Variants in TTLL11 observed in about 807,000 individuals in gnomAD.
The protein encoded by TTLL11 is tubulin tyrosine ligase like 11.
A neutral mutation model predicts 51.7 loss-of-function variants in TTLL11; 42 were observed. The ratio of observed to expected loss-of-function variants is 0.81; its 90% CI spans 0.64 to 1.05. The LOEUF is 1.05. TTLL11 is among the 50% of genes least tolerant of loss of function. The pLI, the probability that TTLL11 is intolerant of heterozygous loss-of-function variation, is 0.00. For synonymous variants in TTLL11, 381 were observed against 383.5 expected (o/e 0.99, Z 0.08); for missense variants, 799 against 940.4 (o/e 0.85, Z 1.97).
chr9:122,070,861 C>G (rs1046187051), intron 1 of TTLL11, among the ~76,000 whole-genome samples: 12 of 152,246 alleles, frequency 7.9e-5, no homozygotes, highest in Admixed American at 5.2e-4. Flanking sequence ...GCTGACCTCC[C>G]TGCCATTCAG....
intron 8 of TTLL11, among the ~76,000 whole-genome samples, chr9:121,826,479 A>ATATATATATGTTTGTG (rs546692201): frequency 1.9e-5 from 1 of 52,600 alleles, no homozygotes; most frequent in Non-Finnish European, 4.1e-5. Flanking sequence ...ATATATATAT[A>ATATATATATGTTTGTG]TGTATATATA....
intron 3 of TTLL11, among the ~76,000 whole-genome samples, chr9:122,000,148 A>G (rs1005622810): frequency 6.6e-6 from 1 of 152,172 alleles, no homozygotes; most frequent in African/African-American, 2.4e-5. Flanking sequence ...AGGATGAGAC[A>G]GGAGGTCAGC....
At chr9:122,087,857 G>A (rs1846168125) in intron 1 of TTLL11, among the ~76,000 whole-genome samples, 1 of 152,214 alleles carries the variant, frequency 6.6e-6, no homozygotes, top group African/African-American at 2.4e-5. Context: ...CTTTCATGTT[G>A]CAACATCAGT....
chr9:122,037,643 T>TG (rs1316317624), intron 2 of TTLL11, among the ~76,000 whole-genome samples: 3 of 152,166 alleles, frequency 2.0e-5, no homozygotes, highest in Non-Finnish European at 4.4e-5. Context: ...CTGGATTCTG[T>TG]GGGGCATCTA....
At position 122,076,384 on chromosome 9, in the gene TTLL11, TA is replaced by T. The variant is rs539066351; in HGVS notation, c.462+16302del. The stretch of plus-strand genomic sequence containing the variant: ...GCAAGAATCAGACTGGAAATTCCCA[TA>T]CCAAGCCAGGCCCTCTGAAATGCCA... On this transcript the variant is annotated intron_variant, in intron 1 of 8. Transcript: ENST00000321582. 1.5e-3 allele frequency among the ~76,000 whole-genome samples: 221 copies of T among 152,266 alleles called. 1 individual carries two copies. The highest frequency in any genetic ancestry group is 4.8e-3 in the African/African-American group (198 of 41,544).
chr9:122,009,657 AGAG>A (rs901598466), intron 3 of TTLL11, among the ~76,000 whole-genome samples: 2 of 151,682 alleles, frequency 1.3e-5, no homozygotes, highest in African/African-American at 2.4e-5. Context: ...TATACTGTCC[AGAG>A]AAGAATGAAT....
chr9:121,823,196 G>A (rs1339943334), intron 8 of TTLL11, among the ~76,000 whole-genome samples: 1 of 152,232 alleles, frequency 6.6e-6, no homozygotes, highest in Non-Finnish European at 1.5e-5. Context: ...AGTTATATAA[G>A]ATTTAAACCT....
chr9:121,913,248 CT>C, intron 6 of TTLL11, among the ~76,000 whole-genome samples: 1 of 152,136 alleles, frequency 6.6e-6, no homozygotes, highest in South Asian at 2.1e-4. Context: ...GACTTAGAGT[CT>C]TTTTTTTAAT....
At chr9:121,898,294 C>T (rs1839621159) in intron 6 of TTLL11, among the ~76,000 whole-genome samples, 1 of 152,162 alleles carries the variant, frequency 6.6e-6, no homozygotes, top group African/African-American at 2.4e-5. Context: ...AAGGGAGAGA[C>T]GGTGCTTGGG....
intron 1 of TTLL11, among the ~76,000 whole-genome samples, chr9:122,049,572 C>T (rs1297740643): frequency 6.6e-6 from 1 of 152,188 alleles, no homozygotes; most frequent in Non-Finnish European, 1.5e-5. Flanking sequence ...AGTTCCTCCC[C>T]CAGAGTATAC....
chr9:121,826,513 A>ATATATACATGTGTG (rs1564260406), intron 8 of TTLL11, among the ~76,000 whole-genome samples: 18 of 89,134 alleles, frequency 2.0e-4, no homozygotes, highest in African/African-American at 1.7e-4. Flanking sequence ...ATATATATAT[A>ATATATACATGTGTG]TGTATATATA....
At chr9:121,903,584 T>G (rs1839839129) in intron 6 of TTLL11, among the ~76,000 whole-genome samples, 1 of 152,220 alleles carries the variant, frequency 6.6e-6, no homozygotes, top group South Asian at 2.1e-4. Context: ...ACCTCCCTTG[T>G]AAGGTTGTTG....
rs551953084 is a variant in TTLL11 at position 122,031,897 on chromosome 9, C to A, written c.560-41G>T. ...GCTGTGAGGTTTTAACAACAGTGGG[C>A]TACTAGCTATAAAACAGCCATTATT... On this transcript the variant is annotated intron_variant, in intron 2 of 8. Coordinates refer to ENST00000321582, the MANE Select transcript of TTLL11 (RefSeq NM_001139442.2). 87 of 1,589,634 alleles carry A rather than the reference C, an allele frequency of 5.5e-5. 4 individuals are homozygous for A. In the South Asian group the frequency reaches 9.6e-4, roughly 18 times the overall value.
At chr9:121,930,406 T>C (rs1840920015) in intron 6 of TTLL11, among the ~76,000 whole-genome samples, 1 of 152,230 alleles carries the variant, frequency 6.6e-6, no homozygotes, top group African/African-American at 2.4e-5. Context: ...ATCATTTGCC[T>C]GGGGAAAGTA....
intron 1 of TTLL11, among the ~76,000 whole-genome samples, chr9:122,083,292 C>A (rs141303323): frequency 6.6e-6 from 1 of 151,888 alleles, no homozygotes; most frequent in East Asian, 1.9e-4. Context: ...GCAAATTCAC[C>A]ACCACATGCT....
intron 4 of TTLL11, among the ~76,000 whole-genome samples, 162 bp from the exon 5 acceptor site, chr9:121,975,141 T>C (rs895412242): frequency 4.6e-5 from 7 of 152,198 alleles, no homozygotes; most frequent in East Asian, 1.9e-4. Context: ...TCAGACCAAA[T>C]GGACAGCAGA....
At chr9:121,848,588 T>A (rs73540817) in intron 8 of TTLL11, among the ~76,000 whole-genome samples, 8,884 of 152,242 alleles carry the variant, frequency 0.058, 413 homozygotes, top group African/African-American at 0.12. Flanking sequence ...AGTCAATTTT[T>A]AAAAATATAT....
At chr9:122,044,492 C>T (rs528638991) in intron 1 of TTLL11, among the ~76,000 whole-genome samples, 47 of 152,294 alleles carry the variant, frequency 3.1e-4, no homozygotes, top group African/African-American at 1.1e-3. Context: ...AAAAGTGTTC[C>T]TATTTCTCCA....
rs1837726609 is a variant in TTLL11 at position 121,853,475 on chromosome 9, C to T, written c.1840+6862G>A. ...GAGGGGGTTCCTGCAGAGGTGGGGG[C>T]CTGAGGGGGCCGGCCATTCTGGCTG... On this transcript the variant is annotated intron_variant, in intron 8 of 8. Coordinates refer to ENST00000321582, the MANE Select transcript of TTLL11 (RefSeq NM_001139442.2). This position sits in a 1 kb window ranked among gnomAD's most constrained non-coding sequence, Gnocchi z 5.6. Among the ~76,000 whole-genome samples the T allele has an allele frequency of 6.9e-6, 1 of 145,566 alleles. No individual in the cohort carries two copies. The highest frequency in any genetic ancestry group is 6.8e-5 in the Admixed American group (1 of 14,632).
Sources: gnomAD v4.1 joint callset for allele counts (sites outside exome capture counted in the v4.1 genomes callset) on GRCh38, gnomAD v4.1.1 for gene constraint, Gnocchi (gnomAD v3.1) non-coding constraint, MANE v1.5 for transcripts, NCBI Gene and HGNC (gene_info 2026-07-23, HGNC 2026-07-21) for gene names.